Variants in RORA observed in about 807,000 individuals in gnomAD.
RORA encodes the protein RAR related orphan receptor A.
A neutral mutation model predicts 69.5 loss-of-function variants in RORA; 7 were observed. That is an observed-to-expected ratio of 0.10 (90% CI 0.06 to 0.19). The LOEUF is 0.19. Among genes scored for constraint, RORA ranks in the 10% least tolerant of loss-of-function variants. The pLI, the probability that RORA is intolerant of heterozygous loss-of-function variation, is 1.00. For synonymous variants in RORA, 261 were observed against 240.8 expected, an observed-to-expected ratio of 1.08 and a Z score of -0.78; for missense variants, 457 against 663.0, an observed-to-expected ratio of 0.69 and a Z score of 3.41.
At chr15:60,748,666 C>T (rs1048185805) in intron 1 of RORA, among the ~76,000 whole-genome samples, 1 of 152,184 alleles carries the variant, frequency 6.6e-6, no homozygotes, top group Non-Finnish European at 1.5e-5. Flanking sequence ...TTCTAGGCCT[C>T]CCAGGTCTCA....
At chr15:60,600,766 C>T (rs1396833301) in intron 2 of RORA, among the ~76,000 whole-genome samples, 1 of 151,872 alleles carries the variant, frequency 6.6e-6, no homozygotes, top group East Asian at 1.9e-4. Flanking sequence ...TCTAGTAAAG[C>T]CTTGTGTCCT....
At chr15:60,547,210 A>T (rs1211375028) in intron 2 of RORA, among the ~76,000 whole-genome samples, 2 of 152,162 alleles carry the variant, frequency 1.3e-5, no homozygotes. Context: ...ATGAGGATTG[A>T]GCGTCAAAGT....
intron 1 of RORA, among the ~76,000 whole-genome samples, chr15:60,814,254 C>T (rs541710380): frequency 6.6e-6 from 1 of 152,266 alleles, no homozygotes; most frequent in South Asian, 2.1e-4. Flanking sequence ...TTCTCCAACT[C>T]CCCAGGCAGA....
chr15:61,051,750 T>C (rs1389827705), intron 1 of RORA, among the ~76,000 whole-genome samples: 1 of 152,212 alleles, frequency 6.6e-6, no homozygotes, highest in Non-Finnish European at 1.5e-5. Context: ...TGCAAAGGAA[T>C]CTGAAGTCTC....
intron 1 of RORA, among the ~76,000 whole-genome samples, chr15:61,187,780 C>T (rs984572786): frequency 3.3e-5 from 5 of 152,136 alleles, no homozygotes; most frequent in African/African-American, 1.2e-4. Flanking sequence ...AGAGCTGCTG[C>T]GTGTCTGGTG....
At chr15:60,796,896 G>A (rs972547355) in intron 1 of RORA, among the ~76,000 whole-genome samples, 5 of 151,588 alleles carry the variant, frequency 3.3e-5, no homozygotes, top group African/African-American at 1.2e-4. Context: ...CATCCTGGAT[G>A]ACCCTTGAAA....
chr15:60,791,292 C>T (rs2072413397), intron 1 of RORA, among the ~76,000 whole-genome samples: 1 of 152,276 alleles, frequency 6.6e-6, no homozygotes, highest in South Asian at 2.1e-4. Flanking sequence ...TTTGAAATAT[C>T]TAAATATAAA....
intron 1 of RORA, among the ~76,000 whole-genome samples, chr15:61,167,268 A>G (rs1279784932): frequency 1.3e-5 from 2 of 152,164 alleles, no homozygotes; most frequent in African/African-American, 4.8e-5. Flanking sequence ...TCTCAAAGCT[A>G]TTGAGTCTTT....
intron 2 of RORA, among the ~76,000 whole-genome samples, chr15:60,677,622 G>A (rs939067605): frequency 9.5e-5 from 14 of 147,286 alleles, no homozygotes; most frequent in Admixed American, 4.8e-4. Flanking sequence ...AATACAGATA[G>A]ACAGACAGAC....
At chr15:60,781,230 A>C (rs1567188647) in intron 1 of RORA, among the ~76,000 whole-genome samples, 1 of 152,130 alleles carries the variant, frequency 6.6e-6, no homozygotes, top group Non-Finnish European at 1.5e-5. Flanking sequence ...CTGCTGCTCC[A>C]GGTGAGAACA....
chr15:60,999,486 C>T (rs753285631), intron 1 of RORA, among the ~76,000 whole-genome samples: 2 of 152,166 alleles, frequency 1.3e-5, no homozygotes, highest in Non-Finnish European at 2.9e-5. Context: ...TAGCTTGTAT[C>T]CCCATTTCAC....
intron 1 of RORA, among the ~76,000 whole-genome samples, chr15:60,692,888 C>T (rs1356675424): frequency 6.6e-6 from 1 of 152,178 alleles, no homozygotes; most frequent in Non-Finnish European, 1.5e-5. Context: ...GGAGCTGGTA[C>T]TATTTCTTCT....
intron 1 of RORA, among the ~76,000 whole-genome samples, chr15:60,715,217 A>ATT (rs2071203914): frequency 5.3e-5 from 8 of 152,206 alleles, no homozygotes; most frequent in Non-Finnish European, 1.2e-4. Flanking sequence ...CCATGGGAAG[A>ATT]CCTACAAGGA....
intron 1 of RORA, among the ~76,000 whole-genome samples, chr15:61,049,189 T>C (rs1026410922): frequency 6.6e-6 from 1 of 152,188 alleles, no homozygotes; most frequent in African/African-American, 2.4e-5. Flanking sequence ...TTTCAGATGA[T>C]GAAAAGCACT....
At chr15:60,645,895 C>A (rs1170295280) in intron 2 of RORA, among the ~76,000 whole-genome samples, 1 of 151,706 alleles carries the variant, frequency 6.6e-6, no homozygotes, top group Non-Finnish European at 1.5e-5. Context: ...CACACAGACG[C>A]ATATACACAC....
At chr15:61,045,824 A>T (rs969978298) in intron 1 of RORA, among the ~76,000 whole-genome samples, 2 of 152,214 alleles carry the variant, frequency 1.3e-5, no homozygotes, top group East Asian at 3.9e-4. Flanking sequence ...GGAATGTCTG[A>T]TCACTTTAGC....
chr15:60,891,625 T>C (rs984410806), intron 1 of RORA, among the ~76,000 whole-genome samples: 1 of 152,222 alleles, frequency 6.6e-6, no homozygotes, highest in African/African-American at 2.4e-5. Context: ...GGACAGTCAG[T>C]GAACTGCACC....
intron 4 of RORA, among the ~76,000 whole-genome samples, chr15:60,512,584 C>T (rs1312382431): frequency 1.3e-5 from 2 of 152,182 alleles, no homozygotes; most frequent in Non-Finnish European, 2.9e-5. Context: ...GCTACCACTC[C>T]CAGTAGGACC....
At chr15:60,857,565 C>CA (rs1311858405) in intron 1 of RORA, among the ~76,000 whole-genome samples, 5 of 152,096 alleles carry the variant, frequency 3.3e-5, no homozygotes, top group East Asian at 1.9e-4. Context: ...CCCATACAAA[C>CA]AGAGGAACTC....
Sources: gnomAD v4.1 joint callset for allele counts (sites outside exome capture counted in the v4.1 genomes callset) on GRCh38, gnomAD v4.1.1 for gene constraint, MANE v1.5 for transcripts, NCBI Gene and HGNC (gene_info 2026-07-23, HGNC 2026-07-21) for gene names.